Variants in KDM2A observed in about 807,000 individuals in gnomAD.
KDM2A encodes lysine demethylase 2A, also known as lysine-specific demethylase 2A.
A neutral mutation model predicts 137.3 loss-of-function variants in KDM2A; 3 were observed. The observed-to-expected ratio is 0.02, with a 90% CI of 0.01 to 0.06. The LOEUF is 0.06. Ranked by LOEUF, KDM2A falls within the 10% of genes least tolerant of loss-of-function variation. The probability of loss-of-function intolerance (pLI) is 1.00; values close to 1 mark genes in which losing one functional copy is unlikely to be tolerated. For synonymous variants in KDM2A, 512 were observed against 541.5 expected, an observed-to-expected ratio of 0.95 and a Z score of 0.76; for missense variants, 738 against 1,510.6, an observed-to-expected ratio of 0.49 and a Z score of 8.48.
intron 5 of KDM2A, among the ~76,000 whole-genome samples, chr11:67,187,472 C>G (rs1857235502): frequency 6.6e-6 from 1 of 152,026 alleles, no homozygotes; most frequent in South Asian, 2.1e-4. Flanking sequence ...CTATTCCATG[C>G]AAACAGTAAC....
At chr11:67,203,218 C>A (rs1265992734) in intron 5 of KDM2A, among the ~76,000 whole-genome samples, 1 of 151,696 alleles carries the variant, frequency 6.6e-6, no homozygotes, top group Non-Finnish European at 1.5e-5. Flanking sequence ...AAAGTATGTA[C>A]CTTGTTTTTT....
intron 5 of KDM2A, among the ~76,000 whole-genome samples, chr11:67,198,553 A>C (rs936588006): frequency 6.6e-6 from 1 of 151,848 alleles, no homozygotes; most frequent in Non-Finnish European, 1.5e-5. Flanking sequence ...TACTAAAAAC[A>C]CAAAAAATTA....
At chr11:67,148,707 A>G (rs1265964811) in intron 2 of KDM2A, among the ~76,000 whole-genome samples, 1 of 152,130 alleles carries the variant, frequency 6.6e-6, no homozygotes, top group Non-Finnish European at 1.5e-5. Context: ...AGGCTGAGGC[A>G]GGAGAATCAC....
In KDM2A at chr11:67,217,715, G is replaced by GT. The variant is rs1230586388; in HGVS notation, c.688-10dup. 7 of 1,612,772 alleles carry GT rather than the reference G, an allele frequency of 4.3e-6. No homozygotes were observed. The African/African-American group carries it at 5.3e-5, about 12-fold the overall frequency. On this transcript the variant is annotated splice_polypyrimidine_tract_variant and intron_variant, in intron 8 of 20. Coordinates refer to ENST00000529006, the MANE Select transcript of KDM2A (RefSeq NM_012308.3). Reference sequence around the variant, plus strand: ...TGTCAATGGCTGTTAACAGACTAAAGTTTTTTAACTCACAGGTCTTCTGGC... The same window carrying GT: ...TGTCAATGGCTGTTAACAGACTAAAGTTTTTTTAACTCACAGGTCTTCTGGC...
chr11:67,151,458 GCA>G (rs1425427196), intron 2 of KDM2A, among the ~76,000 whole-genome samples: 1 of 151,894 alleles, frequency 6.6e-6, no homozygotes, highest in Non-Finnish European at 1.5e-5. Flanking sequence ...TCTGCTCGCT[GCA>G]CCTTCCGCCT....
chr11:67,223,403 A>C, intron 10 of KDM2A, among the ~76,000 whole-genome samples: 1 of 150,244 alleles, frequency 6.7e-6, no homozygotes, highest in Non-Finnish European at 1.5e-5. Context: ...TTATTTATTT[A>C]TTTATTTATT....
chr11:67,217,660 G>GT, intron 8 of KDM2A, 71 bp from the exon 9 acceptor site: 1 of 1,482,962 alleles, frequency 6.7e-7, no homozygotes, highest in Non-Finnish European at 9.3e-7. Context: ...TTTTGTACCT[G>GT]TTTATCAGTT....
intron 15 of KDM2A, among the ~76,000 whole-genome samples, chr11:67,247,634 A>T (rs1233808998): frequency 6.6e-6 from 1 of 151,700 alleles, no homozygotes. Context: ...CATGTTGGCC[A>T]GGTTGGTCTT....
chr11:67,247,074 T>TTTTA, intron 15 of KDM2A, among the ~76,000 whole-genome samples: 1 of 56,848 alleles, frequency 1.8e-5, no homozygotes, highest in Admixed American at 1.8e-4. Context: ...TATATATATT[T>TTTTA]TTTTTTTTTT....
intron 5 of KDM2A, among the ~76,000 whole-genome samples, chr11:67,183,928 G>A (rs1230843667): frequency 1.3e-5 from 2 of 151,676 alleles, no homozygotes; most frequent in African/African-American, 2.4e-5. Flanking sequence ...GGGCAACATA[G>A]CAAGACCCTG....
intron 5 of KDM2A, among the ~76,000 whole-genome samples, chr11:67,203,606 T>C (rs1390351374): frequency 6.6e-6 from 1 of 150,546 alleles, no homozygotes; most frequent in East Asian, 1.9e-4. Context: ...ATACAAAAAA[T>C]TAACTGGGTA....
At chr11:67,188,095 C>A (rs983058592) in intron 5 of KDM2A, among the ~76,000 whole-genome samples, 1 of 152,088 alleles carries the variant, frequency 6.6e-6, no homozygotes, top group Admixed American at 6.6e-5. Flanking sequence ...GTGCTCCTAG[C>A]CACTTGGAAG....
intron 1 of KDM2A, 142 bp from the exon 2 acceptor site, chr11:67,121,092 G>A (rs1353500999): frequency 7.4e-6 from 4 of 543,746 alleles, no homozygotes; most frequent in Non-Finnish European, 1.3e-5. Flanking sequence ...ACTTGCCCAA[G>A]AGCAGAAAGG....
At chr11:67,198,448 C>T (rs567225696) in intron 5 of KDM2A, among the ~76,000 whole-genome samples, 5 of 152,024 alleles carry the variant, frequency 3.3e-5, no homozygotes, top group Admixed American at 6.6e-5. Context: ...TTATGCCGGG[C>T]GCAATGGCTC....
chr11:67,244,875 A>C (rs1359605736), intron 13 of KDM2A, among the ~76,000 whole-genome samples: 2 of 152,028 alleles, frequency 1.3e-5, no homozygotes, highest in African/African-American at 4.8e-5. Flanking sequence ...AGTCCCAGCT[A>C]CTTGGGAGGC....
intron 15 of KDM2A, among the ~76,000 whole-genome samples, chr11:67,247,289 C>A (rs530241886): frequency 2.7e-5 from 4 of 149,162 alleles, no homozygotes; most frequent in Non-Finnish European, 5.9e-5. Context: ...GGGGTGTCAC[C>A]GTGTTGGCCA....
intron 12 of KDM2A, among the ~76,000 whole-genome samples, chr11:67,241,044 C>T (rs1859024700): frequency 6.6e-6 from 1 of 152,162 alleles, no homozygotes; most frequent in African/African-American, 2.4e-5. Flanking sequence ...CTTGAACAAT[C>T]GCAGATCTTA....
chr11:67,157,697 A>G (rs1856549091), intron 2 of KDM2A, among the ~76,000 whole-genome samples: 1 of 149,210 alleles, frequency 6.7e-6, no homozygotes, highest in African/African-American at 2.5e-5. Context: ...GTGAGCTGAG[A>G]TGGCGCCACT....
chr11:67,231,719 G>A lies in KDM2A; in HGVS notation c.1238G>A (p.Ser413Asn), dbSNP rs1858726845. The A allele has an allele frequency of 6.2e-7, 1 of 1,613,884 alleles. No individual in the cohort carries two copies. Among genetic ancestry groups the A allele is most frequent in the Non-Finnish European group, 8.5e-7 (1 of 1,179,892 alleles). The change falls in exon 12 of 21, where the codon AGT becomes AAT. Residue 413 changes from serine to asparagine, a missense_variant. Coordinates refer to ENST00000529006, the MANE Select transcript of KDM2A (RefSeq NM_012308.3). ...GATGGACTGGGCAAAACCTGCCGAAGTCTTCCAAGTCTGAAGAAAACTTTG... is the reference window on the plus strand; with the variant it reads ...GATGGACTGGGCAAAACCTGCCGAAATCTTCCAAGTCTGAAGAAAACTTTG... ...DYDGLGKTCR[S>N]LPSLKKTLAG... is the part of the protein sequence containing the mutation.
Sources: allele counts gnomAD v4.1 joint callset (sites outside exome capture counted in the v4.1 genomes callset), GRCh38; gene constraint gnomAD v4.1.1; transcripts MANE v1.5; gene names NCBI Gene and HGNC (gene_info 2026-07-23, HGNC 2026-07-21).